PLXNC1: variants seen among roughly 807,000 people sequenced by gnomAD.
PLXNC1 encodes the protein plexin C1.
In PLXNC1, 75 loss-of-function variants were observed where a neutral mutation model predicts 178.2. That is an observed-to-expected ratio of 0.42 (90% CI 0.35 to 0.51). The LOEUF is 0.51. Among genes scored for constraint, PLXNC1 ranks in the 20% least tolerant of loss-of-function variants. The probability of loss-of-function intolerance (pLI) is 0.02; values close to 1 mark genes in which losing one functional copy is unlikely to be tolerated. For missense variants in PLXNC1, 1,503 were observed against 1,984.4 expected (o/e 0.76, Z 4.61); for synonymous variants, 790 against 779.9 (o/e 1.01, Z -0.22).
At chr12:94,264,311 C>T (rs940572878) in intron 20 of PLXNC1, among the ~76,000 whole-genome samples, 1 of 152,266 alleles carries the variant, frequency 6.6e-6, no homozygotes, top group African/African-American at 2.4e-5. Flanking sequence ...GGAGGCAGCC[C>T]CACCCCCAGC....
At chr12:94,158,687 A>T (rs769207515) in intron 1 of PLXNC1, among the ~76,000 whole-genome samples, 7 of 152,148 alleles carry the variant, frequency 4.6e-5, no homozygotes, top group Non-Finnish European at 7.3e-5. Flanking sequence ...TTGTAGTCCA[A>T]CTGCTTGGGA....
chr12:94,297,322 C>T lies in PLXNC1; in HGVS notation c.3973C>T (p.Pro1325Ser), dbSNP rs555765070. ...TCTGCTGTCTTCCCTTCAGATTTTACCAGATTCGGAAGCATTCCAAGATGT... is the reference window on the plus strand; with the variant it reads ...TCTGCTGTCTTCCCTTCAGATTTTATCAGATTCGGAAGCATTCCAAGATGT... Reference protein sequence around the residue: ...YSDDHCHLILPDSEAFQDVQG... With the variant: ...YSDDHCHLILSDSEAFQDVQG... The change falls in exon 26 of 31, where the codon CCA becomes TCA. Residue 1325 changes from proline to serine, a missense_variant. This residue lies in a region of PLXNC1 where 639 missense variants were observed against 979.7 expected (regional missense o/e 0.65). Transcript: ENST00000258526. 3.8e-5 allele frequency: 62 copies of T among 1,613,610 alleles called. No individual in the cohort carries two copies. Among genetic ancestry groups the T allele is most frequent in the Non-Finnish European group, 3.9e-5 (46 of 1,179,644 alleles).
chr12:94,186,596 TAA>T (rs1335400251), intron 4 of PLXNC1, 123 bp downstream of exon 4: 1 of 662,276 alleles, frequency 1.5e-6, no homozygotes, highest in East Asian at 2.8e-5. Context: ...CTTCCTCGAC[TAA>T]AATCTTGTTG....
At chr12:94,215,269 C>G (rs986656222) in intron 5 of PLXNC1, among the ~76,000 whole-genome samples, 5 of 151,990 alleles carry the variant, frequency 3.3e-5, no homozygotes, top group African/African-American at 1.2e-4. Context: ...AAAATAAAAA[C>G]AAAAATACAC....
chr12:94,211,142 T>G (rs929682130), intron 5 of PLXNC1, among the ~76,000 whole-genome samples: 18 of 152,174 alleles, frequency 1.2e-4, no homozygotes, highest in African/African-American at 4.3e-4. Flanking sequence ...TTAATCACTG[T>G]TTATATCTGG....
chr12:94,169,324 AT>A, intron 2 of PLXNC1, 31 bp downstream of exon 2: 1 of 1,591,956 alleles, frequency 6.3e-7, no homozygotes, highest in Non-Finnish European at 8.6e-7. Flanking sequence ...TCAAATGTCT[AT>A]TTTAATGGTG....
intron 23 of PLXNC1, among the ~76,000 whole-genome samples, chr12:94,284,341 C>T (rs1966683384): frequency 2.0e-5 from 3 of 152,064 alleles, no homozygotes; most frequent in African/African-American, 7.2e-5. Context: ...CTGTAAGTTC[C>T]TCCCAAAGTT....
At chr12:94,297,815 A>G (rs1968082082) in intron 26 of PLXNC1, among the ~76,000 whole-genome samples, 1 of 152,240 alleles carries the variant, frequency 6.6e-6, no homozygotes, top group African/African-American at 2.4e-5. Context: ...GTCAATGACT[A>G]TAAACCTAGT....
At chr12:94,184,308 T>G (rs1962433495) in intron 3 of PLXNC1, among the ~76,000 whole-genome samples, 2 of 149,624 alleles carry the variant, frequency 1.3e-5, no homozygotes, top group African/African-American at 5.0e-5. Context: ...TTTTTTTTAA[T>G]AGAGACGGGG....
chr12:94,153,867 G>A (rs1961053744), intron 1 of PLXNC1, among the ~76,000 whole-genome samples: 1 of 152,212 alleles, frequency 6.6e-6, no homozygotes, highest in African/African-American at 2.4e-5. Flanking sequence ...CAAGGAACAT[G>A]TGTGGAGAAG....
chr12:94,296,812 T>A (rs1158514215), intron 24 of PLXNC1, among the ~76,000 whole-genome samples: 1 of 152,250 alleles, frequency 6.6e-6, no homozygotes, highest in Non-Finnish European at 1.5e-5. Flanking sequence ...ATGTCTCTCA[T>A]TGGCCAGAAT....
At chr12:94,297,479 T>C in intron 26 of PLXNC1, 56 bp downstream of exon 26, 1 of 1,182,152 alleles carries the variant, frequency 8.5e-7, no homozygotes, top group Admixed American at 1.8e-5. Context: ...TATGATATGT[T>C]TGACTTAATT....
chr12:94,165,223 T>C (rs1457495136), intron 1 of PLXNC1, among the ~76,000 whole-genome samples: 1 of 152,214 alleles, frequency 6.6e-6, no homozygotes. Context: ...GTTTCCCCCT[T>C]CTTCTGCCTG....
At position 94,217,424 on chromosome 12, in the gene PLXNC1, C is replaced by T. The variant is rs78709235; in HGVS notation, c.1555-2592C>T. On this transcript the variant is annotated intron_variant, in intron 5 of 30. Coordinates refer to ENST00000258526, the MANE Select transcript of PLXNC1 (RefSeq NM_005761.3). ...TCACTTCCATGGCTTTATAAATCAT[C>T]TGTATGTTCATGTCTCCTTTATCCC... Among the ~76,000 whole-genome samples the T allele has an allele frequency of 2.7e-3, 404 of 152,336 alleles. 1 individual carries two copies. Among genetic ancestry groups the T allele is most frequent in the Non-Finnish European group, 4.5e-3 (307 of 68,034 alleles).
At chr12:94,277,810 T>G in intron 21 of PLXNC1, 1 of 382,818 alleles carries the variant, frequency 2.6e-6, no homozygotes, top group Non-Finnish European at 5.3e-6. Flanking sequence ...CCCAGCAGCC[T>G]GGCCCCGTGC....
At chr12:94,287,091 T>A (rs951906277) in intron 23 of PLXNC1, among the ~76,000 whole-genome samples, 1 of 152,212 alleles carries the variant, frequency 6.6e-6, no homozygotes, top group Non-Finnish European at 1.5e-5. Flanking sequence ...TCAATTAATG[T>A]CCACAAAAAC....
At chr12:94,252,597 G>C (rs1203877107) in intron 15 of PLXNC1, among the ~76,000 whole-genome samples, 1 of 152,194 alleles carries the variant, frequency 6.6e-6, no homozygotes, top group Non-Finnish European at 1.5e-5. Context: ...CTATTAAGTA[G>C]CTTATAACAT....
intron 10 of PLXNC1, 105 bp from the exon 11 acceptor site, chr12:94,240,380 C>A: frequency 1.2e-6 from 1 of 854,498 alleles, no homozygotes. Context: ...TCTGCTCCTT[C>A]ATGAAGTGTT....
rs144754856 is a variant in PLXNC1 at position 94,149,136 on chromosome 12, C to T, written c.165C>T (p.Asp55=). Residue 55 remains aspartate, a synonymous_variant, in exon 1 of 31, where the codon GAC becomes GAT. Coordinates refer to ENST00000258526, the MANE Select transcript of PLXNC1 (RefSeq NM_005761.3). ...AIGAIAASQE[D]GVFVASGSCL... is the part of the protein sequence containing the mutation. ...GAGCCATCGCGGCGAGCCAGGAGGA[C>T]GGCGTGTTTGTGGCGAGCGGCAGCT... 4.7e-5 allele frequency: 75 copies of T among 1,589,960 alleles called. No individual in the cohort carries two copies. In the African/African-American group the frequency reaches 9.7e-4, roughly 21 times the overall value.
Sources: gnomAD v4.1 joint callset for allele counts (sites outside exome capture counted in the v4.1 genomes callset) on GRCh38, gnomAD v4.1.1 for gene constraint, gnomAD v4.1.1 regional missense constraint, MANE v1.5 for transcripts, NCBI Gene and HGNC (gene_info 2026-07-23, HGNC 2026-07-21) for gene names.